The following ZNF623 variants were observed in gnomAD, a reference collection of about 807,000 sequenced individuals.
The protein encoded by ZNF623 is zinc finger protein 623.
Under a neutral mutation model 24.0 loss-of-function variants are expected in ZNF623, and 16 were observed. The observed-to-expected ratio is 0.67, with a 90% CI of 0.45 to 1.01. The LOEUF (loss-of-function observed/expected upper bound fraction) is 1.01. ZNF623 is among the 50% of genes least tolerant of loss of function. The pLI is 0.00. For synonymous variants in ZNF623, 224 were observed against 219.8 expected (o/e 1.02, Z -0.17); for missense variants, 566 against 606.5 (o/e 0.93, Z 0.70).
At position 143,650,750 on chromosome 8, in the gene ZNF623, G is replaced by C; in HGVS notation, c.758G>C (p.Cys253Ser). The C allele has an allele frequency of 6.2e-7, 1 of 1,614,166 alleles. No individual in the cohort carries two copies. Among genetic ancestry groups the C allele is most frequent in the Non-Finnish European group, 8.5e-7 (1 of 1,180,032 alleles). The change falls in exon 2 of 2, where the codon TGC becomes TCC. Residue 253 changes from cysteine (C) to serine (S), a missense_variant. Transcript: ENST00000526926. This position sits in a 1 kb window ranked among gnomAD's most constrained non-coding sequence, Gnocchi z 5.2. ...QIHTEVKQYE[C>S]KECGKAFRHR... ...CACACAGAAGTGAAACAGTATGAAT[G>C]CAAAGAATGTGGGAAGGCATTCCGT...
chr8:143,649,741 T>C (rs534470179), intron 1 of ZNF623, 157 bp from the exon 2 acceptor site: 151 of 853,504 alleles, frequency 1.8e-4, no homozygotes, highest in Non-Finnish European at 2.6e-4. Context: ...CAGGCTTGGG[T>C]GTGAGACCAG....
rs1021849590 is a variant in ZNF623 at position 143,636,050 on chromosome 8, C to G, written c.-191C>G. The G allele has an allele frequency of 6.6e-6, 1 of 152,440 alleles. No individual in the cohort carries two copies. Among genetic ancestry groups the G allele is most frequent in the African/African-American group, 2.4e-5 (1 of 41,468 alleles). The allele number at this position is 152,440 out of a possible 1,614,324, so 9.4% of individuals were successfully genotyped here. ...CGGTCGCGGCGGGCTGGCGGCGGTG[C>G]AGGCTTTGTCGGCTGATCTGTGGGG... On this transcript the variant is annotated 5_prime_UTR_variant, in exon 1 of 2. Transcript: ENST00000526926.
In ZNF623 at chr8:143,650,224, A is replaced by G; in HGVS notation, c.232A>G (p.Ile78Val). 6.2e-7 allele frequency: 1 copy of G among 1,614,244 alleles called. No homozygotes were observed. The highest frequency in any genetic ancestry group is 1.1e-5 in the South Asian group (1 of 91,088). The change falls in exon 2 of 2, where the codon ATA becomes GTA. Residue 78 changes from isoleucine (I) to valine (V), a missense_variant. Ile to Val is a conservative substitution (Grantham distance 29). Coordinates refer to ENST00000526926, the MANE Select transcript of ZNF623 (RefSeq NM_001261843.2). The surrounding 1 kb of genome is among the most constrained non-coding windows in gnomAD (Gnocchi z 5.2). ...SDLLLLQREL[I>V]EGEANPCDIC... is the part of the protein sequence containing the mutation. ...CCTTCTTCTGCTTCAGAGAGAGCTC[A>G]TAGAGGGGGAAGCCAATCCTTGCGA...
chr8:143,646,045 CT>C (rs1329474322), intron 1 of ZNF623, among the ~76,000 whole-genome samples: 1 of 150,702 alleles, frequency 6.6e-6, no homozygotes, highest in East Asian at 1.9e-4. Flanking sequence ...AGTGTTGGAG[CT>C]TTTTTTTTAA....
intron 1 of ZNF623, among the ~76,000 whole-genome samples, chr8:143,645,082 C>T (rs1405389305): frequency 6.6e-6 from 1 of 150,942 alleles, no homozygotes; most frequent in African/African-American, 2.4e-5. Context: ...GAGCCGAGAT[C>T]GTGCCATTGC....
chr8:143,645,177 CT>C (rs1563699120), intron 1 of ZNF623, among the ~76,000 whole-genome samples: 1 of 150,394 alleles, frequency 6.6e-6, no homozygotes, highest in East Asian at 2.0e-4. Flanking sequence ...AGCGTGGTGG[CT>C]CATGCCTGTA....
intron 1 of ZNF623, 97 bp downstream of exon 1, chr8:143,636,242 G>A (rs2131434874): frequency 6.6e-6 from 1 of 152,216 alleles, no homozygotes; most frequent in African/African-American, 2.4e-5. Flanking sequence ...AGTCCGCCGA[G>A]AGGGCCGGGC....
Position 143,651,272 on chromosome 8 carries a change from G to C in ZNF623, c.1280G>C (p.Gly427Ala). 1.2e-6 allele frequency: 2 copies of C among 1,614,192 alleles called. No individual in the cohort carries two copies. Among genetic ancestry groups the C allele is most frequent in the Non-Finnish European group, 8.5e-7 (1 of 1,180,036 alleles). Residue 427 changes from glycine to alanine, a missense_variant, in exon 2 of 2, where the codon GGC becomes GCC. Transcript: ENST00000526926. ...TATGTGTGCAGTTATTGTGGGAAAG[G>C]CTTTATTCAGAGGTCAAACTTCCTT... is the stretch of plus-strand genomic sequence containing the variant. ...KPYVCSYCGK[G>A]FIQRSNFLQH...
At chr8:143,636,709 G>T (rs1814933852) in intron 1 of ZNF623, among the ~76,000 whole-genome samples, 1 of 152,192 alleles carries the variant, frequency 6.6e-6, no homozygotes, top group Non-Finnish European at 1.5e-5. Context: ...AGCAGAATTA[G>T]AATTAAGTAC....
chr8:143,649,643 G>T (rs1360531447), intron 1 of ZNF623: 2 of 523,570 alleles, frequency 3.8e-6, no homozygotes, highest in Non-Finnish European at 6.7e-6. Flanking sequence ...ATTCACTAAT[G>T]GTCAGAGGAG....
chr8:143,649,265 G>A (rs1454941038), intron 1 of ZNF623, among the ~76,000 whole-genome samples: 7 of 147,396 alleles, frequency 4.7e-5, no homozygotes, highest in Admixed American at 3.4e-4. Context: ...GTGACAGAGC[G>A]AGACTCCATC....
At chr8:143,641,224 C>G (rs1326002387) in intron 1 of ZNF623, among the ~76,000 whole-genome samples, 1 of 152,182 alleles carries the variant, frequency 6.6e-6, no homozygotes, top group African/African-American at 2.4e-5. Context: ...TGACTCCTTT[C>G]CAGAAGGTTT....
chr8:143,647,592 G>A (rs568117658), intron 1 of ZNF623, among the ~76,000 whole-genome samples: 90 of 152,352 alleles, frequency 5.9e-4, no homozygotes, highest in Admixed American at 3.7e-3. Flanking sequence ...CAAAGGCTCC[G>A]AGGGGGCAGG....
chr8:143,643,009 T>C (rs1029457460), intron 1 of ZNF623, among the ~76,000 whole-genome samples: 1 of 152,172 alleles, frequency 6.6e-6, no homozygotes, highest in African/African-American at 2.4e-5. Context: ...AGGGAGGTCG[T>C]CTGGGAGAGC....
At position 143,653,697 on chromosome 8, in the gene ZNF623, C is replaced by T. The variant is rs1055060823; in HGVS notation, c.*2214C>T. On this transcript the variant is annotated 3_prime_UTR_variant, in exon 2 of 2. Transcript: ENST00000526926. The stretch of plus-strand genomic sequence containing the variant: ...CTATGTGTTCTTTTGCGTCTGATGT[C>T]TCACTTTGGCATGTTTTTAGACTCA... 1 of 167,084 alleles carries T rather than the reference C, an allele frequency of 6.0e-6. No individual in the cohort carries two copies. The highest frequency in any genetic ancestry group is 1.5e-5 in the Non-Finnish European group (1 of 68,124). The allele number at this position is 167,084 out of a possible 1,614,324, so 10.4% of individuals were successfully genotyped here.
chr8:143,644,298 A>G (rs1815121553), intron 1 of ZNF623, among the ~76,000 whole-genome samples: 1 of 152,164 alleles, frequency 6.6e-6, no homozygotes, highest in Non-Finnish European at 1.5e-5. Flanking sequence ...GATTACAGGC[A>G]TGAGCCGCTG....
chr8:143,640,844 G>A (rs1035822142), intron 1 of ZNF623, among the ~76,000 whole-genome samples: 4 of 151,448 alleles, frequency 2.6e-5, no homozygotes, highest in Non-Finnish European at 4.4e-5. Flanking sequence ...AGGAGGCTGA[G>A]GCAGGAGAAT....
Position 143,651,885 on chromosome 8 carries a change from A to G in ZNF623, c.*402A>G, listed in dbSNP as rs913201601. On this transcript the variant is annotated 3_prime_UTR_variant, in exon 2 of 2. Transcript: ENST00000526926. The stretch of plus-strand genomic sequence containing the variant: ...CATTTTGATGTGTTAAGTTGAAGAA[A>G]GGTAACTCGTGTATGAACCCCGAGC... The G allele has an allele frequency of 5.5e-6, 1 of 181,294 alleles. No homozygotes were observed. The highest frequency in any genetic ancestry group is 2.4e-5 in the African/African-American group (1 of 41,876). 11.2% of individuals were successfully genotyped at this position (181,294 alleles called of 1,614,324 possible). A position where few individuals can be genotyped will look rare whatever the true frequency, so the allele number is the denominator to read the frequency against.
intron 1 of ZNF623, among the ~76,000 whole-genome samples, chr8:143,637,240 C>A (rs1322094549): frequency 6.6e-6 from 1 of 152,228 alleles, no homozygotes; most frequent in Non-Finnish European, 1.5e-5. Context: ...CTTGGTGTGG[C>A]GCGGGGCAAG....
Sources: allele counts gnomAD v4.1 joint callset (sites outside exome capture counted in the v4.1 genomes callset), GRCh38; gene constraint gnomAD v4.1.1; non-coding constraint Gnocchi (gnomAD v3.1); transcripts MANE v1.5; gene names NCBI Gene and HGNC (gene_info 2026-07-23, HGNC 2026-07-21).